MRAP2: variants seen among roughly 807,000 people sequenced by gnomAD.
The protein encoded by MRAP2 is melanocortin 2 receptor accessory protein 2.
A neutral mutation model predicts 17.4 loss-of-function variants in MRAP2; 20 were observed. The observed-to-expected ratio is 1.15, with a 90% CI of 0.81 to 1.67. The LOEUF is 1.67. Ranked by LOEUF, MRAP2 falls within the 40% of genes most tolerant of loss-of-function variation. The probability of loss-of-function intolerance (pLI) is 0.00; values close to 1 mark genes in which losing one functional copy is unlikely to be tolerated. For synonymous variants in MRAP2, 96 were observed against 88.4 expected (o/e 1.09, Z -0.48); for missense variants, 238 against 240.0 (o/e 0.99, Z 0.05).
the MRAP2 span, among the ~76,000 whole-genome samples, chr6:84,133,659 T>C: frequency 6.6e-6 from 1 of 152,218 alleles, no homozygotes; most frequent in Non-Finnish European, 1.5e-5. Context: ...TTGGACCCTC[T>C]GAGCCATGCG....
chr6:84,142,029 G>A, the MRAP2 span, among the ~76,000 whole-genome samples: 2 of 152,092 alleles, frequency 1.3e-5, no homozygotes. Flanking sequence ...CCTTCAAGGA[G>A]TTAACTAAAA....
At chr6:84,076,331 C>G (rs528410836) in intron 3 of MRAP2, among the ~76,000 whole-genome samples, 1 of 151,856 alleles carries the variant, frequency 6.6e-6, no homozygotes, top group African/African-American at 2.4e-5. Flanking sequence ...TCAAGTGATT[C>G]TCCTGCCTCA....
chr6:84,102,400 A>T, the MRAP2 span, among the ~76,000 whole-genome samples: 1 of 152,094 alleles, frequency 6.6e-6, no homozygotes, highest in Non-Finnish European at 1.5e-5. Flanking sequence ...CTTGAGGGAG[A>T]TGTGACCATG....
intron 1 of MRAP2, chr6:84,045,236 G>A: frequency 1.0e-6 from 1 of 985,362 alleles, no homozygotes; most frequent in Non-Finnish European, 1.2e-6. Flanking sequence ...AGTGACGCTG[G>A]ACATGCTGGA....
rs2099485219 is a variant in MRAP2, at chr6:84,033,870, G to A, written c.-21G>A. 2.0e-6 allele frequency: 2 copies of A among 986,754 alleles called. No individual in the cohort carries two copies. Among genetic ancestry groups the A allele is most frequent in the Non-Finnish European group, 1.2e-6 (1 of 830,534 alleles). 61.1% of individuals were successfully genotyped at this position (986,754 alleles called of 1,614,324 possible). A position where few individuals can be genotyped will look rare whatever the true frequency, so the allele number is the denominator to read the frequency against. The stretch of plus-strand genomic sequence containing the variant: ...GAACCAGGGCCGAGCCCGCGGGCCG[G>A]GGCTAGCCAGCCGGTAACCACGGGC... On this transcript the variant is annotated 5_prime_UTR_variant, in exon 1 of 4. Transcript: ENST00000257776.
chr6:84,131,896 G>A, the MRAP2 span, among the ~76,000 whole-genome samples: 1 of 152,138 alleles, frequency 6.6e-6, no homozygotes, highest in East Asian at 1.9e-4. Context: ...GATGTTAGCT[G>A]GTTATTTTGC....
chr6:84,099,181 CTTTT>C, the MRAP2 span, among the ~76,000 whole-genome samples: 8 of 117,392 alleles, frequency 6.8e-5, no homozygotes, highest in Non-Finnish European at 5.6e-5. Flanking sequence ...AGATCCTTTT[CTTTT>C]TTTTTTTTTT....
At chr6:84,134,246 A>G in the MRAP2 span, among the ~76,000 whole-genome samples, 1 of 152,178 alleles carries the variant, frequency 6.6e-6, no homozygotes, top group Non-Finnish European at 1.5e-5. Context: ...TCAGACAGCT[A>G]TGCTGGCAGT....
chr6:84,143,274 CTA>C, the MRAP2 span, among the ~76,000 whole-genome samples: 2 of 152,008 alleles, frequency 1.3e-5, no homozygotes, highest in South Asian at 2.1e-4. Context: ...ATTAAGAAAA[CTA>C]TAAAAATATG....
At chr6:84,037,427 C>T (rs925756934) in intron 1 of MRAP2, among the ~76,000 whole-genome samples, 4 of 152,256 alleles carry the variant, frequency 2.6e-5, no homozygotes, top group Non-Finnish European at 5.9e-5. Flanking sequence ...TAGTGGATCC[C>T]ACGCCAGGGC....
the MRAP2 span, among the ~76,000 whole-genome samples, chr6:84,130,148 A>G: frequency 6.6e-6 from 1 of 151,782 alleles, no homozygotes; most frequent in Admixed American, 6.6e-5. Flanking sequence ...GTTTTATGTG[A>G]TGGATTATGT....
intron 3 of MRAP2, among the ~76,000 whole-genome samples, chr6:84,070,738 G>T (rs1386069254): frequency 6.6e-6 from 1 of 152,124 alleles, no homozygotes; most frequent in Non-Finnish European, 1.5e-5. Context: ...TTATAAATTT[G>T]GGAGCTCCAG....
At chr6:84,043,624 G>A (rs1236225456) in intron 1 of MRAP2, among the ~76,000 whole-genome samples, 1 of 148,636 alleles carries the variant, frequency 6.7e-6, no homozygotes, top group Non-Finnish European at 1.5e-5. Context: ...TCAGGCTTTT[G>A]TGTTGTCCCT....
At chr6:84,033,684 C>T (rs914785845), upstream of MRAP2, 7 of 984,816 alleles carry the variant, frequency 7.1e-6, no homozygotes, top group Non-Finnish European at 7.2e-6. Flanking sequence ...GAGGCGGCTC[C>T]CGCGCTGCAG....
At chr6:84,138,657 T>C in the MRAP2 span, among the ~76,000 whole-genome samples, 1 of 152,210 alleles carries the variant, frequency 6.6e-6, no homozygotes, top group African/African-American at 2.4e-5. Flanking sequence ...GTCTTCTATT[T>C]TCAAGTATTT....
At chr6:84,126,716 T>A in the MRAP2 span, among the ~76,000 whole-genome samples, 3 of 152,126 alleles carry the variant, frequency 2.0e-5, no homozygotes, top group Admixed American at 2.0e-4. Flanking sequence ...TCTAAGAGGT[T>A]CCGGATGAAT....
rs1562894925 is a variant in MRAP2, at chr6:84,089,827, AT to A, written c.*354del. 24 of 200,908 alleles carry A rather than the reference AT, an allele frequency of 1.2e-4. No homozygotes were observed. Among genetic ancestry groups the A allele is most frequent in the East Asian group, 2.2e-4 (2 of 9,194 alleles). The allele number at this position is 200,908 out of a possible 1,614,324, so 12.4% of individuals were successfully genotyped here. A position where few individuals can be genotyped will look rare whatever the true frequency, so the allele number is the denominator to read the frequency against. On this transcript the variant is annotated 3_prime_UTR_variant, in exon 4 of 4. Coordinates refer to ENST00000257776, the MANE Select transcript of MRAP2 (RefSeq NM_138409.4). ...CATGAGTTTTGTTTTTTTTTTTGCTATTTTTTTTAAAGCTCGTCAGCTATCG... is the reference window on the plus strand; with the variant it reads ...CATGAGTTTTGTTTTTTTTTTTGCTATTTTTTTAAAGCTCGTCAGCTATCG...
At chr6:84,087,627 A>G (rs1322409287) in intron 3 of MRAP2, among the ~76,000 whole-genome samples, 1 of 152,218 alleles carries the variant, frequency 6.6e-6, no homozygotes, top group East Asian at 1.9e-4. Flanking sequence ...GACAAAGAAG[A>G]CCATGTAAAT....
chr6:84,049,512 G>A, intron 1 of MRAP2, among the ~76,000 whole-genome samples: 1 of 152,048 alleles, frequency 6.6e-6, no homozygotes, highest in East Asian at 1.9e-4. Flanking sequence ...AGGTGCCCAG[G>A]GCATAACAGG....
Sources: gnomAD v4.1 joint callset for allele counts (sites outside exome capture counted in the v4.1 genomes callset) on GRCh38, gnomAD v4.1.1 for gene constraint, MANE v1.5 for transcripts, NCBI Gene and HGNC (gene_info 2026-07-23, HGNC 2026-07-21) for gene names.